The following CD38 variants were observed in gnomAD, a reference collection of about 807,000 sequenced individuals.
CD38 encodes the protein ADP-ribosyl cyclase/cyclic ADP-ribose hydrolase 1.
CD38 carries 31 observed loss-of-function variants against 36.3 expected under a neutral mutation model. The ratio of observed to expected loss-of-function variants is 0.85; its 90% CI spans 0.64 to 1.15. The LOEUF is 1.15. Among genes scored for constraint, CD38 ranks in the 50% most tolerant of loss-of-function variants. The pLI is 0.00. For synonymous variants in CD38, 131 were observed against 135.2 expected (o/e 0.97, Z 0.22); for missense variants, 380 against 371.9 (o/e 1.02, Z -0.18).
In CD38 at chr4:15,778,464, G is replaced by A. The variant is rs771783257; in HGVS notation, c.50G>A (p.Arg17Gln). Residue 17 changes from arginine to glutamine, a missense_variant, in exon 1 of 8, where the codon CGG (arginine) becomes CAG (glutamine). Transcript: ENST00000226279. The surrounding 1 kb of genome is among the most constrained non-coding windows in gnomAD (Gnocchi z 4.9). Reference protein sequence around the residue: ...SPVSGDKPCCRLSRRAQLCLG... With the variant: ...SPVSGDKPCCQLSRRAQLCLG... Reference sequence around the variant, plus strand: ...GTGTCCGGGGACAAACCCTGCTGCCGGCTCTCTAGGAGAGCCCAACTCTGT... The same window carrying A: ...GTGTCCGGGGACAAACCCTGCTGCCAGCTCTCTAGGAGAGCCCAACTCTGT... 1 of 1,613,916 alleles carries A rather than the reference G, an allele frequency of 6.2e-7. No individual in the cohort carries two copies. Among genetic ancestry groups the A allele is most frequent in the East Asian group, 2.2e-5 (1 of 44,842 alleles).
chr4:15,808,707 T>C (rs1437582529), intron 1 of CD38, among the ~76,000 whole-genome samples: 1 of 152,210 alleles, frequency 6.6e-6, no homozygotes, highest in Non-Finnish European at 1.5e-5. Flanking sequence ...GAAGGAATTA[T>C]AGTTGAACAG....
chr4:15,837,872 G>A (rs1335743169), intron 4 of CD38, among the ~76,000 whole-genome samples: 1 of 152,098 alleles, frequency 6.6e-6, no homozygotes, highest in Admixed American at 6.5e-5. Flanking sequence ...ACTGAACATT[G>A]TTCACTTAGA....
intron 1 of CD38, among the ~76,000 whole-genome samples, chr4:15,812,466 G>C (rs112175284): frequency 0.18 from 27,969 of 152,124 alleles, 3,485 homozygotes; most frequent in African/African-American, 0.36. Flanking sequence ...GGGAGGCCGA[G>C]GCGGGTGGAT....
intron 1 of CD38, among the ~76,000 whole-genome samples, chr4:15,786,511 T>C (rs1034879566): frequency 6.6e-6 from 1 of 152,188 alleles, no homozygotes; most frequent in Non-Finnish European, 1.5e-5. Context: ...AGAGCACTGA[T>C]TGGTGCATTT....
chr4:15,824,792 G>GT (rs147070346), intron 2 of CD38, 89 bp from the exon 3 acceptor site: 114,011 of 892,078 alleles, frequency 0.13, 5,202 homozygotes, highest in African/African-American at 0.35. Flanking sequence ...GATATGCTCT[G>GT]TTTTTTTTTT....
Position 15,830,708 on chromosome 4 carries a change from A to G in CD38, c.500-3509A>G, listed in dbSNP as rs566368640. ...GAGAGTTTCCCCAGTGGTTTCTTGT[A>G]GTAGTTTGCAGTAGTTTCATAGTTT... On this transcript the variant is annotated intron_variant, in intron 3 of 7. Coordinates refer to ENST00000226279, the MANE Select transcript of CD38 (RefSeq NM_001775.4). 2.0e-5 allele frequency among the ~76,000 whole-genome samples: 3 copies of G among 152,168 alleles called. No homozygotes were observed. The East Asian group carries it at 5.8e-4, about 29-fold the overall frequency.
chr4:15,824,710 C>T (rs537596374), intron 2 of CD38, among the ~76,000 whole-genome samples, 171 bp from the exon 3 acceptor site: 24 of 151,976 alleles, frequency 1.6e-4, no homozygotes, highest in Admixed American at 2.6e-4. Flanking sequence ...ACTCTCTCTC[C>T]GCCACTCTCC....
chr4:15,842,010 A>C (rs1343034474), intron 7 of CD38, among the ~76,000 whole-genome samples: 3 of 142,858 alleles, frequency 2.1e-5, no homozygotes, highest in East Asian at 2.0e-4. Flanking sequence ...CCCAGGCTTG[A>C]TTAGGTAAAC....
chr4:15,783,333 G>A (rs1722738328), intron 1 of CD38, among the ~76,000 whole-genome samples: 1 of 152,200 alleles, frequency 6.6e-6, no homozygotes, highest in Non-Finnish European at 1.5e-5. Context: ...TATCCAGAGA[G>A]TGTAACTTCA....
chr4:15,832,589 T>G (rs1408621053), intron 3 of CD38, among the ~76,000 whole-genome samples: 1 of 152,162 alleles, frequency 6.6e-6, no homozygotes, highest in Non-Finnish European at 1.5e-5. Flanking sequence ...TCTAGTCCCT[T>G]TACTTTCTCC....
At chr4:15,787,888 G>C (rs1040754001) in intron 1 of CD38, among the ~76,000 whole-genome samples, 1 of 152,196 alleles carries the variant, frequency 6.6e-6, no homozygotes, top group South Asian at 2.1e-4. Flanking sequence ...TTGTTCCGCC[G>C]TGCAGGGAGC....
chr4:15,781,623 A>G (rs1722698596), intron 1 of CD38, among the ~76,000 whole-genome samples: 1 of 152,156 alleles, frequency 6.6e-6, no homozygotes, highest in South Asian at 2.1e-4. Context: ...CCTTCAACTG[A>G]TTGGATGAGG....
rs1417896961 is a variant in CD38 at position 15,851,075 on chromosome 4, G to A, written c.*2473G>A. 3.3e-5 allele frequency: 5 copies of A among 152,222 alleles called. No individual in the cohort carries two copies. Among genetic ancestry groups the A allele is most frequent in the Non-Finnish European group, 7.3e-5 (5 of 68,080 alleles). The allele number at this position is 152,222 out of a possible 1,614,324, so 9.4% of individuals were successfully genotyped here. A position where few individuals can be genotyped will look rare whatever the true frequency, so the allele number is the denominator to read the frequency against. On this transcript the variant is annotated 3_prime_UTR_variant, in exon 8 of 8. Coordinates refer to ENST00000226279, the MANE Select transcript of CD38 (RefSeq NM_001775.4). ...GTTCAGAGCCAGTGGAGACCTTAGG[G>A]GAGGGTGGTCACAAGGATTTTGCAC... is the stretch of plus-strand genomic sequence containing the variant.
chr4:15,839,946 C>T, intron 5 of CD38, 80 bp from the exon 6 acceptor site: 1 of 923,760 alleles, frequency 1.1e-6, no homozygotes, highest in Non-Finnish European at 1.8e-6. Flanking sequence ...CAGTGCCTTT[C>T]TGCCTGCTGG....
At chr4:15,793,133 C>G (rs1439610714) in intron 1 of CD38, among the ~76,000 whole-genome samples, 1 of 152,066 alleles carries the variant, frequency 6.6e-6, no homozygotes, top group Non-Finnish European at 1.5e-5. Context: ...GCTGATTACA[C>G]CCCCTCTTTC....
intron 1 of CD38, among the ~76,000 whole-genome samples, chr4:15,803,091 T>C (rs557372023): frequency 2.0e-5 from 3 of 152,290 alleles, no homozygotes; most frequent in Admixed American, 6.5e-5. Flanking sequence ...TGGATATTCA[T>C]ATGCAGAAGA....
At chr4:15,806,855 G>A (rs1224510507) in intron 1 of CD38, among the ~76,000 whole-genome samples, 2 of 152,196 alleles carry the variant, frequency 1.3e-5, no homozygotes, top group Admixed American at 6.5e-5. Context: ...ACAGATCGAG[G>A]CTTCTCCAGC....
At chr4:15,782,174 G>T (rs182262189) in intron 1 of CD38, among the ~76,000 whole-genome samples, 22 of 152,286 alleles carry the variant, frequency 1.4e-4, no homozygotes, top group Non-Finnish European at 3.1e-4. Context: ...ACTCTCAAAA[G>T]TGGAGCCTGG....
At chr4:15,818,382 T>C (rs574903065) in intron 2 of CD38, among the ~76,000 whole-genome samples, 1 of 152,170 alleles carries the variant, frequency 6.6e-6, no homozygotes, top group Non-Finnish European at 1.5e-5. Flanking sequence ...ACAGAGCACC[T>C]GGCAGAAGGG....
Sources: gnomAD v4.1 joint callset for allele counts (sites outside exome capture counted in the v4.1 genomes callset) on GRCh38, gnomAD v4.1.1 for gene constraint, Gnocchi (gnomAD v3.1) non-coding constraint, MANE v1.5 for transcripts, NCBI Gene and HGNC (gene_info 2026-07-23, HGNC 2026-07-21) for gene names.